ARHGEF10L: variants seen among roughly 807,000 people sequenced by gnomAD.
ARHGEF10L encodes Rho guanine nucleotide exchange factor 10 like.
ARHGEF10L carries 69 observed loss-of-function variants against 141.2 expected under a neutral mutation model. The ratio of observed to expected loss-of-function variants is 0.49; its 90% CI spans 0.40 to 0.60. ARHGEF10L has a LOEUF of 0.60. Ranked by LOEUF, ARHGEF10L falls within the 20% of genes least tolerant of loss-of-function variation. The pLI is 0.00. For missense variants in ARHGEF10L, 1,482 were observed against 1,734.3 expected (o/e 0.85, Z 2.58); for synonymous variants, 711 against 718.5 (o/e 0.99, Z 0.17).
rs538201979 is a variant in ARHGEF10L, at chr1:17,623,034, G to A, written c.1059G>A (p.Ala353=). 11 of 1,614,000 alleles carry A rather than the reference G, an allele frequency of 6.8e-6. No homozygotes were observed. In the East Asian group the frequency reaches 1.1e-4, roughly 16 times the overall value. ...RNPLMEMEPK[A]LSARKCQVVF... is the part of the protein sequence containing the mutation. ...CCCTGATGGAGATGGAGCCCAAGGC[G>A]CTGAGCGCCCGCAAGTGCCAGGTGG... Residue 353 remains alanine (A), a synonymous_variant, in exon 12 of 29, where the codon GCG becomes GCA. Coordinates refer to ENST00000361221, the MANE Select transcript of ARHGEF10L (RefSeq NM_018125.4). This position sits in a 1 kb window ranked among gnomAD's most constrained non-coding sequence, Gnocchi z 4.7.
intron 2 of ARHGEF10L, among the ~76,000 whole-genome samples, chr1:17,583,770 A>G (rs976402539): frequency 6.6e-6 from 1 of 152,168 alleles, no homozygotes; most frequent in Non-Finnish European, 1.5e-5. Context: ...AGGCTAAGAA[A>G]ACCCTGTGTA....
chr1:17,654,674 G>T lies in ARHGEF10L; in HGVS notation c.2433G>T (p.Leu811=). Residue 811 remains leucine, a synonymous_variant, in exon 23 of 29, where the codon CTG becomes CTT. Transcript: ENST00000361221. This position sits in a 1 kb window ranked among gnomAD's most constrained non-coding sequence, Gnocchi z 4.3. ...TCCACAGTCCTGTCAACTGTCCCCT[G>T]CTGGGTTTCTCAGCAGTCAGCACCT... ...ALVHSPVNCP[L]LGFSAVSTSL... 1 of 1,614,198 alleles carries T rather than the reference G, an allele frequency of 6.2e-7. No homozygotes were observed. Among genetic ancestry groups the T allele is most frequent in the Non-Finnish European group, 8.5e-7 (1 of 1,180,042 alleles).
chr1:17,579,084 G>C (rs988469965), intron 1 of ARHGEF10L, among the ~76,000 whole-genome samples: 47 of 152,012 alleles, frequency 3.1e-4, no homozygotes, highest in African/African-American at 1.1e-3. Context: ...GCGGTGGCAC[G>C]GTCTTGGCTC....
In ARHGEF10L at chr1:17,640,291, A is replaced by C; in HGVS notation, c.2261A>C (p.Lys754Thr). ...TGGGTCAACAGGTTACATTTGGCCA[A>C]AATCGGACTCCGTGAGTATAGCCCC... ...ISWVNRLHLA[K>T]IGLREENQPG... The change falls in exon 21 of 29, where the codon AAA becomes ACA. Residue 754 changes from lysine (K) to threonine (T), a missense_variant. By Grantham distance (78) the Lys-to-Thr change is moderately conservative (BLOSUM62 -1). This residue lies in a region of ARHGEF10L where 858 missense variants were observed against 966.3 expected (regional missense o/e 0.89). Coordinates refer to ENST00000361221, the MANE Select transcript of ARHGEF10L (RefSeq NM_018125.4). The C allele has an allele frequency of 6.2e-7, 1 of 1,612,144 alleles. No homozygotes were observed. The highest frequency in any genetic ancestry group is 2.2e-5 in the East Asian group (1 of 44,874).
At chr1:17,682,645 C>T (rs1429330887) in intron 26 of ARHGEF10L, among the ~76,000 whole-genome samples, 4 of 152,018 alleles carry the variant, frequency 2.6e-5, no homozygotes, top group African/African-American at 7.2e-5. Flanking sequence ...CCTAACAGCA[C>T]GGTTTCTGGT....
In ARHGEF10L at chr1:17,687,477, A is replaced by C. The variant is rs150904640; in HGVS notation, c.3010-96A>C. On this transcript the variant is annotated intron_variant, in intron 26 of 28. Coordinates refer to ENST00000361221, the MANE Select transcript of ARHGEF10L (RefSeq NM_018125.4). Reference sequence around the variant, plus strand: ...GTTCCCTGAGTAGCTTGAGCTTTTGAAGAATGTGAGAATGGCTGGCCCAGG... The same window carrying C: ...GTTCCCTGAGTAGCTTGAGCTTTTGCAGAATGTGAGAATGGCTGGCCCAGG... 9.8e-4 allele frequency: 1,376 copies of C among 1,397,374 alleles called. 1 individual carries two copies. The highest frequency in any genetic ancestry group is 1.4e-3 in the Admixed American group (69 of 50,774). 86.6% of individuals were successfully genotyped at this position (1,397,374 alleles called of 1,614,324 possible).
chr1:17,667,896 A>C (rs1441815446), intron 26 of ARHGEF10L, among the ~76,000 whole-genome samples: 1 of 152,188 alleles, frequency 6.6e-6, no homozygotes, highest in Non-Finnish European at 1.5e-5. Context: ...GGCCACTTCC[A>C]ACTCCGGGCA....
chr1:17,664,180 A>G (rs749803140), intron 25 of ARHGEF10L, among the ~76,000 whole-genome samples: 3 of 151,988 alleles, frequency 2.0e-5, no homozygotes, highest in Non-Finnish European at 4.4e-5. Context: ...AAAGAGAGAG[A>G]GAGGCAGGGA....
intron 1 of ARHGEF10L, among the ~76,000 whole-genome samples, chr1:17,578,029 G>A (rs1316629669): frequency 1.3e-5 from 2 of 152,180 alleles, no homozygotes; most frequent in African/African-American, 4.8e-5. Context: ...CTGGGTTTTG[G>A]CCCCAGGGTA....
chr1:17,515,240 AG>A, the ARHGEF10L span, among the ~76,000 whole-genome samples: 4 of 150,638 alleles, frequency 2.7e-5, no homozygotes, highest in Non-Finnish European at 4.4e-5. Context: ...GGCATCTTGT[AG>A]GGGAGGCCAG....
At chr1:17,565,388 T>A (rs921310357) in intron 1 of ARHGEF10L, among the ~76,000 whole-genome samples, 8 of 152,180 alleles carry the variant, frequency 5.3e-5, no homozygotes, top group African/African-American at 1.9e-4. Flanking sequence ...CCCTCCTGCT[T>A]AACATTTGCT....
chr1:17,588,390 A>G, intron 3 of ARHGEF10L, 56 bp from the exon 4 acceptor site: 2 of 1,605,624 alleles, frequency 1.2e-6, no homozygotes, highest in Non-Finnish European at 8.5e-7. Flanking sequence ...GGAAGGCCTG[A>G]GTGCCTGGGG....
intron 26 of ARHGEF10L, among the ~76,000 whole-genome samples, chr1:17,676,475 A>G (rs866616644): frequency 1.4e-4 from 21 of 151,946 alleles, no homozygotes; most frequent in African/African-American, 5.1e-4. Flanking sequence ...GGGCCAGGTG[A>G]GTTGTCTGGA....
At chr1:17,551,022 G>A (rs1233929001) in intron 1 of ARHGEF10L, among the ~76,000 whole-genome samples, 2 of 152,052 alleles carry the variant, frequency 1.3e-5, no homozygotes, top group Non-Finnish European at 2.9e-5. Flanking sequence ...GAGGCCCGGA[G>A]GTGACCCAGT....
At chr1:17,523,084 ATTTT>A in the ARHGEF10L span, among the ~76,000 whole-genome samples, 359 of 115,454 alleles carry the variant, frequency 3.1e-3, 5 homozygotes, top group African/African-American at 0.011. Flanking sequence ...TTTGTTTTCC[ATTTT>A]TTTTTTTTTT....
At chr1:17,522,679 G>C in the ARHGEF10L span, among the ~76,000 whole-genome samples, 1 of 152,048 alleles carries the variant, frequency 6.6e-6, no homozygotes, top group Non-Finnish European at 1.5e-5. Context: ...TTCTGTGCCC[G>C]CAAAGGCTTG....
intron 10 of ARHGEF10L, among the ~76,000 whole-genome samples, chr1:17,620,950 A>G (rs897244629): frequency 6.6e-6 from 1 of 152,110 alleles, no homozygotes; most frequent in African/African-American, 2.4e-5. Context: ...CTGTGTTGGA[A>G]AGATCCTCAG....
At position 17,654,290 on chromosome 1, in the gene ARHGEF10L, A is replaced by G. The variant is rs2062100087; in HGVS notation, c.2395-346A>G. ...ACTCACCTCCTCTGTGGTCTAGGGT[A>G]GTCACCTGCCCTCTGTGACCCTCAT... On this transcript the variant is annotated intron_variant, in intron 22 of 28. Coordinates refer to ENST00000361221, the MANE Select transcript of ARHGEF10L (RefSeq NM_018125.4). The surrounding 1 kb of genome is among the most constrained non-coding windows in gnomAD (Gnocchi z 4.3). Among the ~76,000 whole-genome samples, 1 of 152,164 alleles carries G rather than the reference A, an allele frequency of 6.6e-6. No individual in the cohort carries two copies. Among genetic ancestry groups the G allele is most frequent in the Admixed American group, 6.5e-5 (1 of 15,268 alleles).
At chr1:17,667,760 GC>G (rs2063076246) in intron 26 of ARHGEF10L, among the ~76,000 whole-genome samples, 1 of 152,188 alleles carries the variant, frequency 6.6e-6, no homozygotes. Flanking sequence ...GCACAGAGCT[GC>G]CCCTGTGAGC....
Sources: gnomAD v4.1 joint callset for allele counts (sites outside exome capture counted in the v4.1 genomes callset) on GRCh38, gnomAD v4.1.1 for gene constraint, gnomAD v4.1.1 regional missense constraint, Gnocchi (gnomAD v3.1) non-coding constraint, MANE v1.5 for transcripts, NCBI Gene and HGNC (gene_info 2026-07-23, HGNC 2026-07-21) for gene names.